Variants in NUCB2 observed in about 807,000 individuals in gnomAD.
NUCB2 encodes nucleobindin 2.
NUCB2 carries 48 observed loss-of-function variants against 57.9 expected under a neutral mutation model. The ratio of observed to expected loss-of-function variants is 0.83; its 90% CI spans 0.66 to 1.05. The LOEUF is 1.05. Among genes scored for constraint, NUCB2 ranks in the 50% least tolerant of loss-of-function variants. The pLI is 0.00. For synonymous variants in NUCB2, 139 were observed against 152.1 expected (o/e 0.91, Z 0.64); for missense variants, 442 against 476.2 (o/e 0.93, Z 0.67).
chr11:17,330,032 TC>T lies in NUCB2; in HGVS notation c.1003-94del. 1.6e-6 allele frequency: 1 copy of T among 629,840 alleles called. No homozygotes were observed. The highest frequency in any genetic ancestry group is 2.6e-6 in the Non-Finnish European group (1 of 380,644). The allele number at this position is 629,840 out of a possible 1,614,324, so 39.0% of individuals were successfully genotyped here. Reference sequence around the variant, plus strand: ...TCCAAAGGCGTAATCCTATAGATACTCTTTTATACTTTGCTAACCATAGAAT... The same window carrying T: ...TCCAAAGGCGTAATCCTATAGATACTTTTTATACTTTGCTAACCATAGAAT... On this transcript the variant is annotated intron_variant, in intron 11 of 13. Coordinates refer to ENST00000529010, the MANE Select transcript of NUCB2 (RefSeq NM_005013.4). The surrounding 1 kb of genome is among the most constrained non-coding windows in gnomAD (Gnocchi z 4.3).
At chr11:17,308,568 G>A (rs191893250) in intron 5 of NUCB2, among the ~76,000 whole-genome samples, 83 of 152,068 alleles carry the variant, frequency 5.5e-4, no homozygotes, top group African/African-American at 1.7e-3. Context: ...CTTCAACAAT[G>A]TACCCATTTT....
intron 10 of NUCB2, among the ~76,000 whole-genome samples, chr11:17,313,094 G>C (rs1022382108): frequency 1.1e-4 from 17 of 151,804 alleles, no homozygotes; most frequent in African/African-American, 3.9e-4. Context: ...GGAGACACAA[G>C]GTCTTGCTAT....
At position 17,330,624 on chromosome 11, in the gene NUCB2, G is replaced by A. The variant is rs1356420250; in HGVS notation, c.1174-278G>A. 1.3e-5 allele frequency among the ~76,000 whole-genome samples: 2 copies of A among 152,050 alleles called. No homozygotes were observed. The highest frequency in any genetic ancestry group is 2.1e-4 in the South Asian group (1 of 4,822). On this transcript the variant is annotated intron_variant, in intron 12 of 13. Coordinates refer to ENST00000529010, the MANE Select transcript of NUCB2 (RefSeq NM_005013.4). This position sits in a 1 kb window ranked among gnomAD's most constrained non-coding sequence, Gnocchi z 4.3. The stretch of plus-strand genomic sequence containing the variant: ...GCTAGGACTACAGGTGCATGCCAGT[G>A]TTCCTGGCTAATGTTAATATTTTTT...
chr11:17,330,067 TA>T lies in NUCB2; in HGVS notation c.1003-57del. On this transcript the variant is annotated intron_variant, in intron 11 of 13. Transcript: ENST00000529010. The surrounding 1 kb of genome is among the most constrained non-coding windows in gnomAD (Gnocchi z 4.3). ...TTTGCTAACCATAGAATTTTAAAGC[TA>T]AATCAGACTTTATTGTTGTAGTTTT... 3.1e-6 allele frequency: 3 copies of T among 959,530 alleles called. No homozygotes were observed. The highest frequency in any genetic ancestry group is 4.6e-6 in the Non-Finnish European group (3 of 655,508). 59.4% of individuals were successfully genotyped at this position (959,530 alleles called of 1,614,324 possible). A position where few individuals can be genotyped will look rare whatever the true frequency, so the allele number is the denominator to read the frequency against.
At chr11:17,345,576 G>A (rs903356714) in intron 2 of NUCB2, among the ~76,000 whole-genome samples, 8 of 152,018 alleles carry the variant, frequency 5.3e-5, no homozygotes, top group Non-Finnish European at 1.2e-4. Flanking sequence ...GCGTGGTGGT[G>A]GGCGCCTGTA....
chr11:17,294,278 A>C (rs1303831792), intron 2 of NUCB2, among the ~76,000 whole-genome samples: 1 of 152,146 alleles, frequency 6.6e-6, no homozygotes, highest in African/African-American at 2.4e-5. Context: ...GTTTGTTAAA[A>C]CAGGTTCCTG....
In NUCB2 at chr11:17,309,575, T is replaced by C. The variant is rs765928874; in HGVS notation, c.383T>C (p.Ile128Thr). The C allele has an allele frequency of 1.3e-6, 2 of 1,554,774 alleles. No individual in the cohort carries two copies. The highest frequency in any genetic ancestry group is 2.3e-5 in the East Asian group (1 of 42,902). ...IKAKLDSLQD[I>T]GMDHQALLKQ... is the part of the protein sequence containing the mutation. ...CAGTTTTCTTATTTTCTTTCAGATA[T>C]AGGCATGGACCACCAAGCTCTTCTA... Residue 128 changes from isoleucine to threonine, a missense_variant, in exon 6 of 14, where the codon ATA becomes ACA. Ile to Thr is a moderately conservative substitution (Grantham distance 89). Coordinates refer to ENST00000529010, the MANE Select transcript of NUCB2 (RefSeq NM_005013.4).
chr11:17,340,124 T>C (rs1952131897), intron 2 of NUCB2, among the ~76,000 whole-genome samples: 1 of 152,276 alleles, frequency 6.6e-6, no homozygotes, highest in African/African-American at 2.4e-5. Context: ...CATTTGTTCA[T>C]GTGTCTTTTG....
intron 5 of NUCB2, among the ~76,000 whole-genome samples, chr11:17,309,354 A>G (rs1948152375): frequency 6.6e-6 from 1 of 152,118 alleles, no homozygotes; most frequent in Admixed American, 6.6e-5. Flanking sequence ...TTAAAAATAT[A>G]CATGTTAAAT....
intron 2 of NUCB2, among the ~76,000 whole-genome samples, chr11:17,285,916 C>A (rs994423042): frequency 6.8e-6 from 1 of 146,796 alleles, no homozygotes; most frequent in Non-Finnish European, 1.5e-5. Context: ...ATCACACATA[C>A]ATGCGCGCAC....
At chr11:17,345,884 AG>A (rs1267761183) in intron 2 of NUCB2, among the ~76,000 whole-genome samples, 1 of 152,210 alleles carries the variant, frequency 6.6e-6, no homozygotes, top group Admixed American at 6.5e-5. Context: ...ATAGAGAATC[AG>A]AAAAACAGAG....
intron 1 of NUCB2, among the ~76,000 whole-genome samples, chr11:17,282,431 G>A (rs1942904635): frequency 6.6e-6 from 1 of 151,642 alleles, no homozygotes; most frequent in Non-Finnish European, 1.5e-5. Flanking sequence ...GCTAATTTTT[G>A]TATTTGTTTA....
Position 17,295,275 on chromosome 11 carries a change from G to C in NUCB2, c.1-49G>C, listed in dbSNP as rs1418110737. ...GTGACATTCGGAATGCATGTATATA[G>C]AGTTAAAACATTATTCATGACTTTA... is the stretch of plus-strand genomic sequence containing the variant. On this transcript the variant is annotated intron_variant, in intron 2 of 13. Coordinates refer to ENST00000529010, the MANE Select transcript of NUCB2 (RefSeq NM_005013.4). 1.6e-5 allele frequency: 25 copies of C among 1,545,408 alleles called. 1 individual carries two copies. Among genetic ancestry groups the C allele is most frequent in the Admixed American group, 4.0e-5 (2 of 50,170 alleles).
intron 2 of NUCB2, among the ~76,000 whole-genome samples, chr11:17,288,960 TA>T (rs546054453): frequency 0.099 from 6,414 of 64,650 alleles, 1,432 homozygotes; most frequent in East Asian, 0.21. Flanking sequence ...CATATATATA[TA>T]TATTTTTTTT....
At chr11:17,284,843 A>G (rs1215019139) in intron 2 of NUCB2, among the ~76,000 whole-genome samples, 1 of 152,192 alleles carries the variant, frequency 6.6e-6, no homozygotes. Flanking sequence ...GCAGCATTTT[A>G]AAAATTGCAA....
In NUCB2 at chr11:17,279,022, G is replaced by A. The variant is rs183201439; in HGVS notation, c.-156+2194G>A. 5.7e-3 allele frequency among the ~76,000 whole-genome samples: 865 copies of A among 152,178 alleles called. 9 individuals are homozygous for A. Among genetic ancestry groups the A allele is most frequent in the African/African-American group, 0.018 (738 of 41,530 alleles). On this transcript the variant is annotated intron_variant, in intron 1 of 13. Transcript: ENST00000529010. ...AGCCTGGCCAACATGGTGAAACCCC[G>A]TCTTTACTAAAAATACAAAAATTAG...
At chr11:17,279,323 A>G (rs1336884781) in intron 1 of NUCB2, among the ~76,000 whole-genome samples, 3 of 152,228 alleles carry the variant, frequency 2.0e-5, no homozygotes, top group African/African-American at 7.2e-5. Flanking sequence ...ATACTTAGTT[A>G]GAATTTCATG....
chr11:17,303,542 G>A (rs1947113213), intron 5 of NUCB2, among the ~76,000 whole-genome samples: 1 of 152,210 alleles, frequency 6.6e-6, no homozygotes, highest in Admixed American at 6.5e-5. Context: ...TTTAGGCTAT[G>A]AGAAGATTAA....
At chr11:17,283,011 C>T (rs1032413842) in intron 2 of NUCB2, 68 bp downstream of exon 2, 2 of 151,938 alleles carry the variant, frequency 1.3e-5, no homozygotes, top group Admixed American at 6.6e-5. Context: ...CACCAAAATA[C>T]AAAAAAGGAA....
Sources: allele counts gnomAD v4.1 joint callset (sites outside exome capture counted in the v4.1 genomes callset), GRCh38; gene constraint gnomAD v4.1.1; non-coding constraint Gnocchi (gnomAD v3.1); transcripts MANE v1.5; gene names NCBI Gene and HGNC (gene_info 2026-07-23, HGNC 2026-07-21).